The following PPFIBP2 variants were observed in gnomAD, a reference collection of about 807,000 sequenced individuals.
The protein encoded by PPFIBP2 is liprin-beta-2.
In PPFIBP2, 118 loss-of-function variants were observed where a neutral mutation model predicts 118.3. That is an observed-to-expected ratio of 1.00 (90% CI 0.86 to 1.16). The LOEUF (loss-of-function observed/expected upper bound fraction) is 1.16. PPFIBP2 is among the 50% of genes most tolerant of loss of function. The probability of loss-of-function intolerance (pLI) is 0.00; values close to 1 mark genes in which losing one functional copy is unlikely to be tolerated. For missense variants in PPFIBP2, 1,195 were observed against 1,073.1 expected (o/e 1.11, Z -1.59); for synonymous variants, 414 against 397.4 (o/e 1.04, Z -0.50).
At chr11:7,539,084 G>C (rs1474618288) in intron 1 of PPFIBP2, 1 of 152,226 alleles carries the variant, frequency 6.6e-6, no homozygotes, top group Admixed American at 6.5e-5. Flanking sequence ...CTCCTCTTCA[G>C]CTTCTTTTAG....
In PPFIBP2 at chr11:7,594,930, A is replaced by AAG. The variant is rs1319131299; in HGVS notation, c.372+1707_372+1708insGA. On this transcript the variant is annotated intron_variant, in intron 4 of 23. Coordinates refer to ENST00000299492, the MANE Select transcript of PPFIBP2 (RefSeq NM_003621.5). The stretch of plus-strand genomic sequence containing the variant: ...AGACTCCATCTCAAAAAAAAAAAAA[A>AAG]AAAAAAAGAAAAAGGAGAGTGTGAA... Among the ~76,000 whole-genome samples, 34 of 151,698 alleles carry AAG rather than the reference A, an allele frequency of 2.2e-4. 1 individual carries two copies. The highest frequency in any genetic ancestry group is 7.7e-4 in the African/African-American group (32 of 41,322).
At chr11:7,564,314 C>T (rs1590259166) in intron 2 of PPFIBP2, among the ~76,000 whole-genome samples, 1 of 152,294 alleles carries the variant, frequency 6.6e-6, no homozygotes, top group African/African-American at 2.4e-5. Flanking sequence ...TGTCAGATTC[C>T]TTTTCAGTGT....
At chr11:7,577,366 C>T (rs548229104) in intron 3 of PPFIBP2, 13 of 312,010 alleles carry the variant, frequency 4.2e-5, no homozygotes, top group East Asian at 8.6e-5. Context: ...TTGGGGTGGT[C>T]GGGGAGGACA....
chr11:7,564,306 T>C (rs964304526), intron 2 of PPFIBP2, among the ~76,000 whole-genome samples: 5 of 152,244 alleles, frequency 3.3e-5, no homozygotes, highest in African/African-American at 1.2e-4. Flanking sequence ...GGGCATTTTG[T>C]CAGATTCCTT....
rs535526820 is a variant in PPFIBP2 at position 7,556,225 on chromosome 11, G to C, written c.64+6686G>C. On this transcript the variant is annotated intron_variant, in intron 2 of 23. Transcript: ENST00000299492. ...AATCCCAGCACTTTGGGAGGCCGAG[G>C]CGGGCGAATCACGAGGTCAGGAGAT... is the stretch of plus-strand genomic sequence containing the variant. Among the ~76,000 whole-genome samples, 6 of 152,308 alleles carry C rather than the reference G, an allele frequency of 3.9e-5. No homozygotes were observed. The East Asian group carries it at 1.2e-3, about 29-fold the overall frequency.
At chr11:7,542,628 T>G (rs976310693) in intron 1 of PPFIBP2, among the ~76,000 whole-genome samples, 2 of 152,224 alleles carry the variant, frequency 1.3e-5, no homozygotes, top group Non-Finnish European at 2.9e-5. Context: ...TCTTATTGAA[T>G]TAAACAAAGT....
At chr11:7,663,366 A>G in the PPFIBP2 span, among the ~76,000 whole-genome samples, 21 of 151,740 alleles carry the variant, frequency 1.4e-4, no homozygotes, top group Non-Finnish European at 2.8e-4. Flanking sequence ...TCCTTCTAAC[A>G]GACAGGACCC....
At chr11:7,663,889 C>A in the PPFIBP2 span, among the ~76,000 whole-genome samples, 9 of 152,166 alleles carry the variant, frequency 5.9e-5, no homozygotes, top group South Asian at 1.0e-3. Context: ...GCGCAGTATT[C>A]TGGTGGGAGT....
At chr11:7,651,993 G>A (rs144516343) in intron 23 of PPFIBP2, 149 bp downstream of exon 23, 6 of 758,794 alleles carry the variant, frequency 7.9e-6, no homozygotes, top group Non-Finnish European at 1.2e-5. Context: ...TGTGGTCTGT[G>A]AGGCCAGTCT....
chr11:7,545,812 A>G (rs1180987201), intron 1 of PPFIBP2, among the ~76,000 whole-genome samples: 2 of 152,342 alleles, frequency 1.3e-5, no homozygotes, highest in East Asian at 3.9e-4. Flanking sequence ...CCACTCCTGC[A>G]GGATGGGCTG....
chr11:7,580,574 G>T (rs1443301149), intron 3 of PPFIBP2, among the ~76,000 whole-genome samples: 2 of 152,110 alleles, frequency 1.3e-5, no homozygotes, highest in Non-Finnish European at 2.9e-5. Flanking sequence ...AAGAAATCTT[G>T]CTCCAGGGCC....
intron 7 of PPFIBP2, 126 bp from the exon 8 acceptor site, chr11:7,625,651 G>T: frequency 1.4e-6 from 1 of 714,930 alleles, no homozygotes; most frequent in Non-Finnish European, 2.4e-6. Context: ...CCCTGCTCCT[G>T]CTCACCTCTT....
chr11:7,643,835 A>T (rs1316530945), intron 17 of PPFIBP2, among the ~76,000 whole-genome samples: 2 of 152,090 alleles, frequency 1.3e-5, no homozygotes, highest in African/African-American at 2.4e-5. Context: ...TTTAAATATG[A>T]TATTTGATAA....
chr11:7,663,677 C>G, the PPFIBP2 span, among the ~76,000 whole-genome samples: 2 of 152,266 alleles, frequency 1.3e-5, no homozygotes, highest in Non-Finnish European at 2.9e-5. Flanking sequence ...GGGCTCCACC[C>G]AGTTCGAGCT....
At chr11:7,572,452 A>G (rs1470669054) in intron 3 of PPFIBP2, among the ~76,000 whole-genome samples, 4 of 152,224 alleles carry the variant, frequency 2.6e-5, no homozygotes, top group Admixed American at 6.5e-5. Context: ...TAAAGAGACT[A>G]TTTCAGCCTC....
At chr11:7,650,751 G>A (rs1015644400) in intron 21 of PPFIBP2, 89 bp from the exon 22 acceptor site, 11 of 1,446,850 alleles carry the variant, frequency 7.6e-6, no homozygotes, top group Non-Finnish European at 9.4e-6. Flanking sequence ...TGCGTCTGGG[G>A]CAGGGTTACT....
downstream of PPFIBP2, chr11:7,656,657 G>T: frequency 8.5e-6 from 10 of 1,179,080 alleles, no homozygotes; most frequent in Non-Finnish European, 1.1e-5. Context: ...CTCTAGTTCC[G>T]GTGCAGCTGC....
rs1034895327 is a variant in PPFIBP2, at chr11:7,651,788, C to G, written c.2380C>G (p.Arg794Gly). ...TGGTCCGGAGGCTGAACAGGAGAAG[C>G]GAGAGAAAATGGCCTCACCAGCTTA... ...LIGPEAEQEK[R>G]EKMASPAYTP... Residue 794 changes from arginine to glycine, a missense_variant, in exon 23 of 24, where the codon CGA becomes GGA. Coordinates refer to ENST00000299492, the MANE Select transcript of PPFIBP2 (RefSeq NM_003621.5). 2 of 1,613,886 alleles carry G rather than the reference C, an allele frequency of 1.2e-6. No homozygotes were observed. Among genetic ancestry groups the G allele is most frequent in the Non-Finnish European group, 1.7e-6 (2 of 1,179,780 alleles).
At chr11:7,636,000 A>G (rs1380972346) in intron 14 of PPFIBP2, among the ~76,000 whole-genome samples, 2 of 152,212 alleles carry the variant, frequency 1.3e-5, no homozygotes, top group East Asian at 3.9e-4. Flanking sequence ...TGAACAAGTT[A>G]TGTTATAAAA....
Sources: gnomAD v4.1 joint callset for allele counts (sites outside exome capture counted in the v4.1 genomes callset) on GRCh38, gnomAD v4.1.1 for gene constraint, MANE v1.5 for transcripts, NCBI Gene and HGNC (gene_info 2026-07-23, HGNC 2026-07-21) for gene names.